DENND2B: variants seen among roughly 807,000 people sequenced by gnomAD.
The protein encoded by DENND2B is DENN domain containing 2B.
In DENND2B, 32 loss-of-function variants were observed where a neutral mutation model predicts 116.0. That is an observed-to-expected ratio of 0.28 (90% CI 0.21 to 0.37). DENND2B has a LOEUF of 0.37. Among genes scored for constraint, DENND2B ranks in the 10% least tolerant of loss-of-function variants. The probability of loss-of-function intolerance (pLI) is 1.00; values close to 1 mark genes in which losing one functional copy is unlikely to be tolerated. For missense variants in DENND2B, 1,276 were observed against 1,477.7 expected (o/e 0.86, Z 2.24); for synonymous variants, 588 against 583.9 (o/e 1.01, Z -0.10).
At chr11:8,869,115 C>G (rs2063686160) in intron 2 of DENND2B, among the ~76,000 whole-genome samples, 1 of 152,204 alleles carries the variant, frequency 6.6e-6, no homozygotes, top group Non-Finnish European at 1.5e-5. Flanking sequence ...GCCAATTGAT[C>G]TGAAATTATC....
intron 2 of DENND2B, among the ~76,000 whole-genome samples, chr11:8,741,166 C>T (rs564428714): frequency 6.6e-6 from 1 of 152,332 alleles, no homozygotes; most frequent in South Asian, 2.1e-4. Flanking sequence ...TTCCAGGTCC[C>T]TACAGCTTGT....
chr11:8,799,104 G>C (rs1270200831), intron 1 of DENND2B, among the ~76,000 whole-genome samples: 2 of 152,180 alleles, frequency 1.3e-5, no homozygotes, highest in Non-Finnish European at 2.9e-5. Flanking sequence ...TTACAGGCCT[G>C]AGCCATTGCA....
At chr11:8,839,423 G>A (rs1343512838) in intron 3 of DENND2B, 4 of 152,182 alleles carry the variant, frequency 2.6e-5, no homozygotes, top group Non-Finnish European at 5.9e-5. Context: ...TTTAAGAAAG[G>A]GCTTCAAATA....
chr11:8,700,064 TG>T (rs36089509), intron 14 of DENND2B: 192,116 of 443,008 alleles, frequency 0.43, 41,139 homozygotes, highest in Middle Eastern at 0.46. Flanking sequence ...GGAGCTGGCC[TG>T]GGGGGGGGCA....
chr11:8,749,648 T>G (rs1235975136), intron 2 of DENND2B, among the ~76,000 whole-genome samples: 1 of 152,196 alleles, frequency 6.6e-6, no homozygotes, highest in Non-Finnish European at 1.5e-5. Flanking sequence ...CCACCAACTC[T>G]GACCAGACCC....
At chr11:8,708,643 GA>G (rs1450583715) in intron 11 of DENND2B, among the ~76,000 whole-genome samples, 1 of 152,168 alleles carries the variant, frequency 6.6e-6, no homozygotes, top group Non-Finnish European at 1.5e-5. Context: ...AGGAGCAAAA[GA>G]AGAATGGGAC....
Position 8,707,052 on chromosome 11 carries a change from T to C in DENND2B, c.2571+33A>G. ...ATGGTCCTCCTGCCACCCCAGCCCG[T>C]AGCCCGAGAGAAGAGGGTGCAGAAA... On this transcript the variant is annotated intron_variant, in intron 13 of 19. Coordinates refer to ENST00000313726, the MANE Select transcript of DENND2B (RefSeq NM_213618.2). This position sits in a 1 kb window ranked among gnomAD's most constrained non-coding sequence, Gnocchi z 4.8. The C allele has an allele frequency of 6.3e-7, 1 of 1,597,398 alleles. No homozygotes were observed. Among genetic ancestry groups the C allele is most frequent in the Non-Finnish European group, 8.5e-7 (1 of 1,169,796 alleles).
Position 8,705,189 on chromosome 11 carries a change from C to T in DENND2B, c.2571+1896G>A, listed in dbSNP as rs143520973. Among the ~76,000 whole-genome samples the T allele has an allele frequency of 3.4e-3, 518 of 152,316 alleles. 2 individuals carry two copies. The highest frequency in any genetic ancestry group is 0.014 in the Middle Eastern group (4 of 294). ...CCTCTTCCTCTGGCAGCCATTCCCA[C>T]CAGCATACAAACTACCATCCCTAAC... On this transcript the variant is annotated intron_variant, in intron 13 of 19. Coordinates refer to ENST00000313726, the MANE Select transcript of DENND2B (RefSeq NM_213618.2).
intron 1 of DENND2B, among the ~76,000 whole-genome samples, chr11:8,904,280 T>C (rs1014155500): frequency 2.0e-5 from 3 of 152,106 alleles, no homozygotes; most frequent in Non-Finnish European, 4.4e-5. Flanking sequence ...AAAAACCACA[T>C]GATCACATCA....
chr11:8,854,503 A>G (rs113015630), intron 3 of DENND2B, among the ~76,000 whole-genome samples: 1 of 152,136 alleles, frequency 6.6e-6, no homozygotes, highest in African/African-American at 2.4e-5. Context: ...TGCCTGGCCT[A>G]AAAGAACCAA....
intron 3 of DENND2B, among the ~76,000 whole-genome samples, chr11:8,852,525 G>A (rs190008247): frequency 1.3e-5 from 2 of 152,284 alleles, no homozygotes; most frequent in Admixed American, 1.3e-4. Flanking sequence ...GATAACAGAA[G>A]AGTAATTGGG....
chr11:8,748,133 T>G (rs4307724), intron 2 of DENND2B, among the ~76,000 whole-genome samples: 9 of 151,952 alleles, frequency 5.9e-5, no homozygotes, highest in African/African-American at 9.7e-5. Flanking sequence ...GTAGCCAAAG[T>G]GTCAAAGGCC....
intron 4 of DENND2B, among the ~76,000 whole-genome samples, chr11:8,837,394 C>A (rs148082334): frequency 1.3e-5 from 2 of 152,302 alleles, no homozygotes; most frequent in Non-Finnish European, 2.9e-5. Context: ...GTTGTCCAGG[C>A]TGGAGTGCAG....
chr11:8,761,872 C>G (rs1054664292), intron 1 of DENND2B, among the ~76,000 whole-genome samples: 1 of 152,190 alleles, frequency 6.6e-6, no homozygotes, highest in Non-Finnish European at 1.5e-5. Context: ...ACTACTCCAC[C>G]TCTATAATGA....
At chr11:8,694,232 G>A (rs1273165608) in intron 19 of DENND2B, 102 bp from the exon 20 acceptor site, 17 of 1,363,514 alleles carry the variant, frequency 1.2e-5, no homozygotes, top group Non-Finnish European at 2.1e-6. Context: ...GGAGAGGAAG[G>A]ATTAGGAAGA....
intron 1 of DENND2B, among the ~76,000 whole-genome samples, chr11:8,805,819 C>T (rs2060788214): frequency 6.6e-6 from 1 of 152,208 alleles, no homozygotes; most frequent in South Asian, 2.1e-4. Context: ...ATACTTGATA[C>T]TTCTGCGTTC....
At position 8,711,109 on chromosome 11, in the gene DENND2B, G is replaced by C; in HGVS notation, c.2282+13C>G. 3 of 1,613,208 alleles carry C rather than the reference G, an allele frequency of 1.9e-6. No homozygotes were observed. The highest frequency in any genetic ancestry group is 2.5e-6 in the Non-Finnish European group (3 of 1,179,222). ...CTATGCTCCTTCCTCCCTCAGGCCA[G>C]GCCAGGCCTCACCTGCTATACTCTG... On this transcript the variant is annotated intron_variant, in intron 10 of 19. Coordinates refer to ENST00000313726, the MANE Select transcript of DENND2B (RefSeq NM_213618.2).
chr11:8,794,124 T>C (rs985165322), intron 1 of DENND2B, among the ~76,000 whole-genome samples: 3 of 152,260 alleles, frequency 2.0e-5, no homozygotes, highest in Non-Finnish European at 4.4e-5. Context: ...ACACCTGGTG[T>C]TGCTTTTGTT....
intron 1 of DENND2B, among the ~76,000 whole-genome samples, chr11:8,910,142 T>A (rs1264481217): frequency 1.3e-5 from 2 of 151,806 alleles, no homozygotes; most frequent in Non-Finnish European, 2.9e-5. Flanking sequence ...TACTTCCCAC[T>A]GGAGGGGAGA....
Sources: allele counts gnomAD v4.1 joint callset (sites outside exome capture counted in the v4.1 genomes callset), GRCh38; gene constraint gnomAD v4.1.1; non-coding constraint Gnocchi (gnomAD v3.1); transcripts MANE v1.5; gene names NCBI Gene and HGNC (gene_info 2026-07-23, HGNC 2026-07-21).